SPTLC3: variants seen among roughly 807,000 people sequenced by gnomAD.
SPTLC3 encodes serine palmitoyltransferase long chain base subunit 3.
Under a neutral mutation model 59.3 loss-of-function variants are expected in SPTLC3, and 36 were observed. The ratio of observed to expected loss-of-function variants is 0.61; its 90% CI spans 0.47 to 0.80. The LOEUF (loss-of-function observed/expected upper bound fraction) is 0.80, where lower values mean the gene tolerates loss of function less well. Among genes scored for constraint, SPTLC3 ranks in the 30% least tolerant of loss-of-function variants. SPTLC3 has a pLI of 0.00. For missense variants in SPTLC3, 625 were observed against 685.1 expected (o/e 0.91, Z 0.98); for synonymous variants, 257 against 240.8 (o/e 1.07, Z -0.62).
At position 13,154,050 on chromosome 20, in the gene SPTLC3, C is replaced by T; in HGVS notation, c.1327C>T (p.Gln443Ter). The T allele has an allele frequency of 6.2e-7, 1 of 1,614,144 alleles. No homozygotes were observed. Among genetic ancestry groups the T allele is most frequent in the Non-Finnish European group, 8.5e-7 (1 of 1,179,998 alleles). The change falls in exon 10 of 12, where the codon CAA (glutamine) becomes TAA (stop). Residue 443 changes from glutamine (Q) to a stop codon, truncating the protein, a stop_gained. Transcript: ENST00000399002. LOFTEE classifies it high-confidence loss of function. The part of the protein sequence containing the change: ...QLAKNTRYFR[Q>*]RLQEMGFIIY... ...TGCGAAAAACACAAGATACTTCAGA[C>T]AAAGACTGCAGGAAATGGGATTCAT...
chr20:13,073,657 T>A, intron 3 of SPTLC3: 1 of 328,354 alleles, frequency 3.0e-6, no homozygotes, highest in Non-Finnish European at 6.0e-6. Flanking sequence ...AGGGAATGAT[T>A]AACATTTTTT....
intron 6 of SPTLC3, among the ~76,000 whole-genome samples, chr20:13,108,716 AG>A (rs1990051192): frequency 6.6e-6 from 1 of 152,126 alleles, no homozygotes; most frequent in Non-Finnish European, 1.5e-5. Context: ...CTGGGATTAG[AG>A]GTGCCTACCA....
At chr20:13,130,707 G>C (rs112677245) in intron 9 of SPTLC3, among the ~76,000 whole-genome samples, 1 of 152,216 alleles carries the variant, frequency 6.6e-6, no homozygotes, top group African/African-American at 2.4e-5. Flanking sequence ...TCACTCTGAG[G>C]AGTGCAGTGA....
chr20:13,061,569 C>A (rs1278774468), intron 2 of SPTLC3, among the ~76,000 whole-genome samples: 1 of 152,154 alleles, frequency 6.6e-6, no homozygotes, highest in African/African-American at 2.4e-5. Context: ...CAAACCTGTT[C>A]TTTTCACAAT....
At position 13,070,074 on chromosome 20, in the gene SPTLC3, G is replaced by T. The variant is rs180851786; in HGVS notation, c.304-2182G>T. On this transcript the variant is annotated intron_variant, in intron 2 of 11. Coordinates refer to ENST00000399002, the MANE Select transcript of SPTLC3 (RefSeq NM_018327.4). The stretch of plus-strand genomic sequence containing the variant: ...ATCAAAGAAGAAATAGTTTGAGAAT[G>T]AGTTTTCTAGAATTATATAATCTTG... Among the ~76,000 whole-genome samples, 605 of 151,694 alleles carry T rather than the reference G, an allele frequency of 4.0e-3. 8 individuals carry two copies. Among genetic ancestry groups the T allele is most frequent in the Middle Eastern group, 0.017 (5 of 294 alleles).
At chr20:13,077,856 A>G (rs1335306408) in intron 4 of SPTLC3, among the ~76,000 whole-genome samples, 6 of 151,698 alleles carry the variant, frequency 4.0e-5, no homozygotes, top group Non-Finnish European at 8.8e-5. Context: ...ATCACAGCTC[A>G]CTGTAACCTC....
intron 11 of SPTLC3, among the ~76,000 whole-genome samples, chr20:13,163,213 C>T (rs182907538): frequency 1.2e-4 from 18 of 151,730 alleles, no homozygotes; most frequent in African/African-American, 3.6e-4. Context: ...ACTAAAAATA[C>T]AAAAATTAGC....
intron 3 of SPTLC3, 147 bp downstream of exon 3, chr20:13,072,557 CA>C: frequency 2.3e-6 from 2 of 863,692 alleles, no homozygotes; most frequent in Non-Finnish European, 3.5e-6. Context: ...CTCCTGATGC[CA>C]GGGGAGGAAG....
chr20:13,029,179 A>G (rs1986305508), intron 1 of SPTLC3, among the ~76,000 whole-genome samples: 1 of 152,116 alleles, frequency 6.6e-6, no homozygotes, highest in African/African-American at 2.4e-5. Flanking sequence ...TTAAGAATCC[A>G]TCCTTTCCCA....
rs572987183 is a variant in SPTLC3, at chr20:13,113,279, G to A, written c.932+3062G>A. On this transcript the variant is annotated intron_variant, in intron 7 of 11. Coordinates refer to ENST00000399002, the MANE Select transcript of SPTLC3 (RefSeq NM_018327.4). Reference sequence around the variant, plus strand: ...GTTCACAAATGCACTCCTACTTTTCGGAGGTATATTAGGAATGCATATCTT... The same window carrying A: ...GTTCACAAATGCACTCCTACTTTTCAGAGGTATATTAGGAATGCATATCTT... 7.9e-5 allele frequency among the ~76,000 whole-genome samples: 12 copies of A among 152,250 alleles called. No homozygotes were observed. In the South Asian group the frequency reaches 8.3e-4, roughly 11 times the overall value.
At chr20:13,080,035 C>T (rs1988784835) in intron 4 of SPTLC3, among the ~76,000 whole-genome samples, 1 of 152,164 alleles carries the variant, frequency 6.6e-6, no homozygotes, top group South Asian at 2.1e-4. Flanking sequence ...AACATTTAAA[C>T]TTCTGTACAT....
intron 1 of SPTLC3, 29 bp from the exon 2 acceptor site, chr20:13,048,916 T>G: frequency 6.5e-7 from 1 of 1,526,902 alleles, no homozygotes; most frequent in East Asian, 2.3e-5. Context: ...AGGAGAATGC[T>G]AACCTTGGAT....
At chr20:13,145,793 C>T (rs1464051512) in intron 9 of SPTLC3, among the ~76,000 whole-genome samples, 1 of 152,168 alleles carries the variant, frequency 6.6e-6, no homozygotes, top group Non-Finnish European at 1.5e-5. Flanking sequence ...AAAACAGGCA[C>T]ATAGACCAAT....
rs186527821 is a variant in SPTLC3 at position 13,125,502 on chromosome 20, T to C, written c.1153-1089T>C. The stretch of plus-strand genomic sequence containing the variant: ...TGTAACAAACCACCCCCAAATTTGG[T>C]GTCTAAAAACACCACCATTTATTTA... On this transcript the variant is annotated intron_variant, in intron 8 of 11. Coordinates refer to ENST00000399002, the MANE Select transcript of SPTLC3 (RefSeq NM_018327.4). Among the ~76,000 whole-genome samples the C allele has an allele frequency of 7.9e-5, 12 of 152,230 alleles. No individual in the cohort carries two copies. The East Asian group carries it at 2.3e-3, about 29-fold the overall frequency.
chr20:13,018,513 C>G (rs548382780), intron 1 of SPTLC3, among the ~76,000 whole-genome samples: 1 of 152,122 alleles, frequency 6.6e-6, no homozygotes, highest in Non-Finnish European at 1.5e-5. Context: ...TGAAAATTGC[C>G]AAATCTGAAG....
At chr20:13,072,141 A>G (rs2122568585) in intron 2 of SPTLC3, 115 bp from the exon 3 acceptor site, 3 of 1,176,278 alleles carry the variant, frequency 2.6e-6, no homozygotes, top group Non-Finnish European at 3.6e-6. Context: ...TGCTCAAAAT[A>G]TATCTGTAGA....
At chr20:13,112,152 C>T (rs1179967877) in intron 7 of SPTLC3, among the ~76,000 whole-genome samples, 1 of 152,202 alleles carries the variant, frequency 6.6e-6, no homozygotes, top group Non-Finnish European at 1.5e-5. Flanking sequence ...TTGTGTGGAC[C>T]AACTGGGCAG....
chr20:13,064,236 T>C (rs1303524383), intron 2 of SPTLC3, among the ~76,000 whole-genome samples: 3 of 150,982 alleles, frequency 2.0e-5, no homozygotes, highest in Non-Finnish European at 4.4e-5. Flanking sequence ...CCCAGTATCA[T>C]TAATTAAATA....
At chr20:13,021,586 A>G (rs1985889776) in intron 1 of SPTLC3, among the ~76,000 whole-genome samples, 1 of 132,938 alleles carries the variant, frequency 7.5e-6, no homozygotes, top group East Asian at 2.5e-4. Context: ...CTCCACCAAA[A>G]CTGTTTTCTT....
Sources: gnomAD v4.1 joint callset for allele counts (sites outside exome capture counted in the v4.1 genomes callset) on GRCh38, gnomAD v4.1.1 for gene constraint, MANE v1.5 for transcripts, NCBI Gene and HGNC (gene_info 2026-07-23, HGNC 2026-07-21) for gene names.